The following TMEM120B variants were observed in gnomAD, a reference collection of about 807,000 sequenced individuals.
TMEM120B encodes transmembrane protein 120B.
Under a neutral mutation model 55.5 loss-of-function variants are expected in TMEM120B, and 31 were observed. The ratio of observed to expected loss-of-function variants is 0.56; its 90% confidence interval spans 0.42 to 0.75. The LOEUF (loss-of-function observed/expected upper bound fraction) is 0.75, where lower values mean the gene tolerates loss of function less well. Among genes scored for constraint, TMEM120B ranks in the 30% least tolerant of loss-of-function variants. The pLI, the probability that TMEM120B is intolerant of heterozygous loss-of-function variation, is 0.00. For missense variants in TMEM120B, 399 were observed against 425.5 expected (o/e 0.94, Z 0.55); for synonymous variants, 203 against 176.3 (o/e 1.15, Z -1.20).
At chr12:121,713,060 G>A in intron 1 of TMEM120B, 96 bp downstream of exon 1, 1 of 1,054,796 alleles carries the variant, frequency 9.5e-7, no homozygotes, top group Admixed American at 3.9e-5. Flanking sequence ...GGACAGTCAG[G>A]GCCTAGGGAG....
Position 121,779,747 on chromosome 12 carries a change from G to A in TMEM120B, c.*4025G>A, listed in dbSNP as rs944351454. On this transcript the variant is annotated 3_prime_UTR_variant, in exon 12 of 12. Transcript: ENST00000449592. The stretch of plus-strand genomic sequence containing the variant: ...CTGGTGGGTTTGGGACTGGCTCTGA[G>A]GACTCTGCAGGGATGGAGGCCTTGG... The A allele has an allele frequency of 7.7e-6, 11 of 1,423,514 alleles. No individual in the cohort carries two copies. In the South Asian group the frequency reaches 1.3e-4, roughly 17 times the overall value. The allele number at this position is 1,423,514 out of a possible 1,614,324, so 88.2% of individuals were successfully genotyped here.
chr12:121,779,601 C>A lies in TMEM120B; in HGVS notation c.*3879C>A, dbSNP rs61751318. On this transcript the variant is annotated 3_prime_UTR_variant, in exon 12 of 12. Transcript: ENST00000449592. ...CCGGAAGACGTCCTCCACATTCTCC[C>A]GAAACTTGGCGGAACATTCCAGGTA... 6 of 1,614,224 alleles carry A rather than the reference C, an allele frequency of 3.7e-6. No individual in the cohort carries two copies. The East Asian group carries it at 6.7e-5, about 18-fold the overall frequency.
Position 121,775,927 on chromosome 12 carries a change from G to C in TMEM120B, c.*205G>C, listed in dbSNP as rs1874230129. 6.4e-6 allele frequency: 4 copies of C among 620,314 alleles called. No homozygotes were observed. Among genetic ancestry groups the C allele is most frequent in the Non-Finnish European group, 1.1e-5 (4 of 351,030 alleles). 38.4% of individuals were successfully genotyped at this position (620,314 alleles called of 1,614,324 possible). ...CTATTTATGACATATTTAATGCTGG[G>C]TCCCCCATCGTCCCTGGAACCCGAG... is the stretch of plus-strand genomic sequence containing the variant. On this transcript the variant is annotated 3_prime_UTR_variant, in exon 12 of 12. Transcript: ENST00000449592. This position sits in a 1 kb window ranked among gnomAD's most constrained non-coding sequence, Gnocchi z 4.3.
At position 121,715,290 on chromosome 12, in the gene TMEM120B, G is replaced by A. The variant is rs919462537; in HGVS notation, c.69+2326G>A. Among the ~76,000 whole-genome samples the A allele has an allele frequency of 3.9e-5, 6 of 152,132 alleles. No individual in the cohort carries two copies. In the East Asian group the frequency reaches 1.2e-3, roughly 29 times the overall value. On this transcript the variant is annotated intron_variant, in intron 1 of 11. Transcript: ENST00000449592. ...GGAGGTTGCAGTGAGACAAGACTGT[G>A]CCATTGCACTCCAGCCTGGGCAACA...
At chr12:121,740,598 A>C (rs1009310889) in intron 1 of TMEM120B, among the ~76,000 whole-genome samples, 3 of 152,092 alleles carry the variant, frequency 2.0e-5, no homozygotes, top group Admixed American at 2.0e-4. Flanking sequence ...AAAGGTCTTC[A>C]TCCTTTGTGT....
chr12:121,770,873 T>A (rs1461337030), intron 6 of TMEM120B, 34 bp from the exon 7 acceptor site: 2 of 1,608,976 alleles, frequency 1.2e-6, no homozygotes, highest in Non-Finnish European at 1.7e-6. Context: ...TGCTCTCCCC[T>A]CCTGAGCACT....
chr12:121,757,334 T>C (rs1873509063), intron 5 of TMEM120B, among the ~76,000 whole-genome samples: 1 of 151,232 alleles, frequency 6.6e-6, no homozygotes, highest in Non-Finnish European at 1.5e-5. Context: ...GATAATTTTT[T>C]GTATTTTGTT....
rs544581596 is a variant in TMEM120B, at chr12:121,759,928, C to T, written c.462-1721C>T. ...CAGGTGGATCACGAGGTCAAGAGAT[C>T]GAGACCATCCTGACCAACATGGTGA... On this transcript the variant is annotated intron_variant, in intron 5 of 11. Transcript: ENST00000449592. Among the ~76,000 whole-genome samples the T allele has an allele frequency of 4.3e-4, 65 of 151,980 alleles. 1 individual carries two copies. The highest frequency in any genetic ancestry group is 2.7e-3 in the South Asian group (13 of 4,820).
chr12:121,743,555 C>CAAA, intron 1 of TMEM120B, 74 bp from the exon 2 acceptor site: 6 of 969,292 alleles, frequency 6.2e-6, no homozygotes, highest in Admixed American at 2.4e-5. Context: ...GAGACTCTCT[C>CAAA]AAAAAAAAAA....
At chr12:121,751,930 T>C (rs1364590919) in intron 4 of TMEM120B, among the ~76,000 whole-genome samples, 198 bp from the exon 5 acceptor site, 1 of 152,160 alleles carries the variant, frequency 6.6e-6, no homozygotes, top group East Asian at 1.9e-4. Flanking sequence ...ACATGGGCCT[T>C]CTGCATACTT....
At position 121,779,918 on chromosome 12, in the gene TMEM120B, C is replaced by A. The variant is rs1346220542; in HGVS notation, c.*4196C>A. 1 of 466,588 alleles carries A rather than the reference C, an allele frequency of 2.1e-6. No homozygotes were observed. The highest frequency in any genetic ancestry group is 3.9e-6 in the Non-Finnish European group (1 of 258,288). The allele number at this position is 466,588 out of a possible 1,614,324, so 28.9% of individuals were successfully genotyped here. On this transcript the variant is annotated 3_prime_UTR_variant, in exon 12 of 12. Transcript: ENST00000449592. ...CTCTCCAGCTCCGGGCAGGGAGGGGCTGAATCCTGAGACCCGGGGTTGGTT... is the reference window on the plus strand; with the variant it reads ...CTCTCCAGCTCCGGGCAGGGAGGGGATGAATCCTGAGACCCGGGGTTGGTT...
chr12:121,726,671 A>G (rs1894901011), intron 1 of TMEM120B, among the ~76,000 whole-genome samples: 1 of 151,758 alleles, frequency 6.6e-6, no homozygotes, highest in Non-Finnish European at 1.5e-5. Context: ...TGGGAAGGCC[A>G]AGGTAGGTGG....
chr12:121,738,468 G>A (rs916278180), intron 1 of TMEM120B, among the ~76,000 whole-genome samples: 4 of 152,054 alleles, frequency 2.6e-5, no homozygotes, highest in Middle Eastern at 3.2e-3. Context: ...CCCTTATCTC[G>A]CAGCAGCCTC....
chr12:121,763,751 A>G (rs894213311), intron 6 of TMEM120B, among the ~76,000 whole-genome samples: 1 of 152,000 alleles, frequency 6.6e-6, no homozygotes, highest in Non-Finnish European at 1.5e-5. Flanking sequence ...CCAACGTGCC[A>G]TTCCGGTTCC....
intron 5 of TMEM120B, among the ~76,000 whole-genome samples, chr12:121,754,552 G>A (rs1011087984): frequency 5.9e-5 from 9 of 152,140 alleles, no homozygotes; most frequent in Non-Finnish European, 7.4e-5. Flanking sequence ...ACCCTTCCTC[G>A]CCTCTCCAGC....
At chr12:121,717,021 G>C (rs950318133) in intron 1 of TMEM120B, among the ~76,000 whole-genome samples, 36 of 152,192 alleles carry the variant, frequency 2.4e-4, no homozygotes, top group Non-Finnish European at 1.9e-4. Context: ...ACTGTGATTT[G>C]CATGTGTCAG....
chr12:121,717,920 T>G (rs1239822313), intron 1 of TMEM120B, among the ~76,000 whole-genome samples: 1 of 152,190 alleles, frequency 6.6e-6, no homozygotes, highest in Non-Finnish European at 1.5e-5. Flanking sequence ...CCTCCCAAAG[T>G]GCTGGGATTA....
rs1011616023 is a variant in TMEM120B, at chr12:121,776,015, A to T, written c.*293A>T. The stretch of plus-strand genomic sequence containing the variant: ...CAGTCTTCCTGGGGATGGGGCCTGA[A>T]GCCTCAGGGAGCCCCTCTGTTCCCA... On this transcript the variant is annotated 3_prime_UTR_variant, in exon 12 of 12. Coordinates refer to ENST00000449592, the MANE Select transcript of TMEM120B (RefSeq NM_001080825.2). 2.7e-5 allele frequency: 16 copies of T among 590,714 alleles called. No homozygotes were observed. Among genetic ancestry groups the T allele is most frequent in the African/African-American group, 5.6e-5 (3 of 53,644 alleles). The allele number at this position is 590,714 out of a possible 1,614,324, so 36.6% of individuals were successfully genotyped here. A position where few individuals can be genotyped will look rare whatever the true frequency, so the allele number is the denominator to read the frequency against.
chr12:121,731,151 TCA>T (rs1329453754), intron 1 of TMEM120B, among the ~76,000 whole-genome samples: 1 of 152,196 alleles, frequency 6.6e-6, no homozygotes, highest in East Asian at 1.9e-4. Flanking sequence ...TGTGGTATAG[TCA>T]CACATTGCAT....
Sources: gnomAD v4.1 joint callset for allele counts (sites outside exome capture counted in the v4.1 genomes callset) on GRCh38, gnomAD v4.1.1 for gene constraint, Gnocchi (gnomAD v3.1) non-coding constraint, MANE v1.5 for transcripts, NCBI Gene and HGNC (gene_info 2026-07-23, HGNC 2026-07-21) for gene names.